BBS9: variants seen among roughly 807,000 people sequenced by gnomAD.
BBS9 encodes the protein protein PTHB1.
In BBS9, 89 loss-of-function variants were observed where a neutral mutation model predicts 117.7. The ratio of observed to expected loss-of-function variants is 0.76; its 90% CI spans 0.64 to 0.90. The LOEUF (loss-of-function observed/expected upper bound fraction) is 0.90. Among genes scored for constraint, BBS9 ranks in the 40% least tolerant of loss-of-function variants. The probability of loss-of-function intolerance (pLI) is 0.00; values close to 1 mark genes in which losing one functional copy is unlikely to be tolerated. For synonymous variants in BBS9, 379 were observed against 370.9 expected (o/e 1.02, Z -0.25); for missense variants, 982 against 1,042.2 (o/e 0.94, Z 0.80).
chr7:33,526,989 C>G (rs1211903496), intron 20 of BBS9, among the ~76,000 whole-genome samples: 6 of 148,814 alleles, frequency 4.0e-5, no homozygotes, highest in Non-Finnish European at 7.4e-5. Context: ...AGCTGCAGGT[C>G]TGTTGCAATA....
chr7:33,173,571 T>TAAA (rs3083580), intron 4 of BBS9, among the ~76,000 whole-genome samples: 18 of 120,270 alleles, frequency 1.5e-4, no homozygotes, highest in East Asian at 1.3e-3. Flanking sequence ...GACTCCATCC[T>TAAA]AAAAAAAAAA....
intron 19 of BBS9, among the ~76,000 whole-genome samples, chr7:33,449,917 T>C (rs546656576): frequency 1.3e-5 from 2 of 152,232 alleles, no homozygotes; most frequent in African/African-American, 2.4e-5. Context: ...TCCAAGTGTA[T>C]AGTACAATAT....
chr7:33,612,429 A>G (rs1864929598), intron 21 of BBS9, among the ~76,000 whole-genome samples: 1 of 152,078 alleles, frequency 6.6e-6, no homozygotes. Context: ...ACACATACAC[A>G]TACACTTCAC....
chr7:33,557,780 G>A (rs971985041), intron 21 of BBS9, among the ~76,000 whole-genome samples: 2 of 152,216 alleles, frequency 1.3e-5, no homozygotes, highest in African/African-American at 4.8e-5. Context: ...GACATCCTCC[G>A]TGGATTGCAA....
intron 21 of BBS9, among the ~76,000 whole-genome samples, chr7:33,597,963 C>T (rs984057718): frequency 1.3e-5 from 2 of 151,768 alleles, no homozygotes; most frequent in African/African-American, 4.8e-5. Context: ...TTTACATGAT[C>T]TCATGGCATG....
At chr7:33,538,022 C>CT (rs1851726060) in intron 21 of BBS9, among the ~76,000 whole-genome samples, 1 of 152,130 alleles carries the variant, frequency 6.6e-6, no homozygotes, top group Non-Finnish European at 1.5e-5. Context: ...AGAGCAAATG[C>CT]TGTAGGCACC....
intron 21 of BBS9, among the ~76,000 whole-genome samples, chr7:33,617,729 G>C (rs1865211091): frequency 1.3e-5 from 2 of 152,154 alleles, no homozygotes; most frequent in South Asian, 4.1e-4. Flanking sequence ...ACAAATTCTA[G>C]TGCTAAAGAA....
At chr7:33,435,193 C>T (rs777047157) in intron 19 of BBS9, among the ~76,000 whole-genome samples, 16 of 151,952 alleles carry the variant, frequency 1.1e-4, no homozygotes, top group Admixed American at 2.0e-4. Flanking sequence ...CTGCATTGGT[C>T]GATGTCTTAC....
chr7:33,387,359 T>TTG (rs1826212656), intron 18 of BBS9, among the ~76,000 whole-genome samples: 1 of 152,156 alleles, frequency 6.6e-6, no homozygotes, highest in African/African-American at 2.4e-5. Context: ...TTCTGTTAGG[T>TTG]TGTGGTCTTT....
At chr7:33,394,070 C>G (rs376332771) in intron 19 of BBS9, among the ~76,000 whole-genome samples, 6 of 152,232 alleles carry the variant, frequency 3.9e-5, no homozygotes, top group African/African-American at 4.8e-5. Flanking sequence ...GGAGGCCAAC[C>G]TAAGGTTGAA....
At chr7:33,379,785 T>A (rs1824609470) in intron 17 of BBS9, among the ~76,000 whole-genome samples, 1 of 152,206 alleles carries the variant, frequency 6.6e-6, no homozygotes. Flanking sequence ...GCTTAATATG[T>A]CAAGCATTGT....
chr7:33,467,764 T>C (rs997041492), intron 19 of BBS9, among the ~76,000 whole-genome samples: 4 of 152,158 alleles, frequency 2.6e-5, no homozygotes, highest in Non-Finnish European at 4.4e-5. Flanking sequence ...GATATGGATC[T>C]TTTAGTGTGT....
chr7:33,463,707 G>A (rs1839799048), intron 19 of BBS9, among the ~76,000 whole-genome samples: 1 of 151,988 alleles, frequency 6.6e-6, no homozygotes, highest in Admixed American at 6.6e-5. Context: ...AAGTATTTTA[G>A]ACAGTTAAGC....
At chr7:33,610,117 AC>A (rs1864782277), downstream of BBS9, among the ~76,000 whole-genome samples, 1 of 152,124 alleles carries the variant, frequency 6.6e-6, no homozygotes, top group South Asian at 2.1e-4. Flanking sequence ...GATTAGCATC[AC>A]AGTAAATCTG....
chr7:33,546,546 A>AATACTAT (rs893636763), intron 21 of BBS9, among the ~76,000 whole-genome samples: 1 of 152,242 alleles, frequency 6.6e-6, no homozygotes, highest in African/African-American at 2.4e-5. Flanking sequence ...TTTACATAGA[A>AATACTAT]ATACTATGTT....
intron 14 of BBS9, chr7:33,351,964 C>T (rs1818746841): frequency 6.5e-6 from 1 of 154,920 alleles, no homozygotes; most frequent in Non-Finnish European, 1.4e-5. Context: ...GGCAGGCACA[C>T]AGGGACAGAA....
chr7:33,384,264 G>C (rs1281425439), intron 18 of BBS9, among the ~76,000 whole-genome samples: 2 of 152,158 alleles, frequency 1.3e-5, no homozygotes, highest in Non-Finnish European at 2.9e-5. Context: ...ATCTGAATGA[G>C]GGTTAACACT....
intron 21 of BBS9, among the ~76,000 whole-genome samples, chr7:33,624,910 C>T (rs1377253561): frequency 3.3e-5 from 5 of 152,146 alleles, no homozygotes; most frequent in Non-Finnish European, 5.9e-5. Flanking sequence ...ATCCTTTCAA[C>T]GATTGAAACA....
intron 15 of BBS9, among the ~76,000 whole-genome samples, chr7:33,355,069 A>G (rs1819381322): frequency 6.6e-6 from 1 of 152,090 alleles, no homozygotes. Context: ...ATAGAGAGAA[A>G]ATACTGCTGA....
Sources: gnomAD v4.1 joint callset for allele counts (sites outside exome capture counted in the v4.1 genomes callset) on GRCh38, gnomAD v4.1.1 for gene constraint, MANE v1.5 for transcripts, NCBI Gene and HGNC (gene_info 2026-07-23, HGNC 2026-07-21) for gene names.